Variants in ATP10B observed in about 807,000 individuals in gnomAD.
ATP10B encodes the protein phospholipid-transporting ATPase VB.
ATP10B carries 122 observed loss-of-function variants against 141.2 expected under a neutral mutation model. The observed-to-expected ratio is 0.86, with a 90% CI of 0.75 to 1.00. ATP10B has a LOEUF of 1.00. ATP10B is among the 50% of genes least tolerant of loss of function. The pLI, the probability that ATP10B is intolerant of heterozygous loss-of-function variation, is 0.00. For synonymous variants in ATP10B, 685 were observed against 692.0 expected, an observed-to-expected ratio of 0.99 and a Z score of 0.16; for missense variants, 1,876 against 1,825.3, an observed-to-expected ratio of 1.03 and a Z score of -0.51.
At chr5:160,762,910 G>A (rs113141782) in intron 2 of ATP10B, among the ~76,000 whole-genome samples, 47,764 of 149,502 alleles carry the variant, frequency 0.32, 7,858 homozygotes, top group Non-Finnish European at 0.36. Context: ...AGTAGGAATA[G>A]CTATTCTTAT....
At chr5:160,877,243 T>C in the ATP10B span, among the ~76,000 whole-genome samples, 1 of 150,778 alleles carries the variant, frequency 6.6e-6, no homozygotes, top group African/African-American at 2.4e-5. Flanking sequence ...CACAAATCAA[T>C]AAATGTAATC....
intron 7 of ATP10B, among the ~76,000 whole-genome samples, chr5:160,653,102 A>G (rs1206912918): frequency 1.6e-5 from 2 of 127,898 alleles, no homozygotes; most frequent in Non-Finnish European, 3.2e-5. Context: ...ATACACGTGT[A>G]TATATAACAT....
the ATP10B span, among the ~76,000 whole-genome samples, chr5:160,869,420 A>G: frequency 6.6e-6 from 1 of 152,070 alleles, no homozygotes; most frequent in African/African-American, 2.4e-5. Flanking sequence ...ATTTCTAGGA[A>G]ACAATACCAG....
chr5:160,721,035 A>ATGTG (rs929244909), intron 2 of ATP10B, among the ~76,000 whole-genome samples: 55 of 151,570 alleles, frequency 3.6e-4, no homozygotes, highest in African/African-American at 1.2e-3. Flanking sequence ...GTATGTGCAT[A>ATGTG]TGTGTGTGTG....
chr5:160,897,588 C>A, the ATP10B span, among the ~76,000 whole-genome samples: 1 of 152,170 alleles, frequency 6.6e-6, no homozygotes, highest in African/African-American at 2.4e-5. Context: ...TAGGAAGAAT[C>A]AATATCATGC....
At chr5:160,721,279 T>C (rs1214618987) in intron 2 of ATP10B, among the ~76,000 whole-genome samples, 1 of 152,154 alleles carries the variant, frequency 6.6e-6, no homozygotes, top group Admixed American at 6.5e-5. Flanking sequence ...ACAATATTGA[T>C]TTTTATCAAA....
chr5:160,707,546 C>T (rs529635806), intron 3 of ATP10B, among the ~76,000 whole-genome samples: 7 of 152,196 alleles, frequency 4.6e-5, no homozygotes, highest in Non-Finnish European at 1.0e-4. Flanking sequence ...ATATCACATA[C>T]TTTTTTTAAA....
At chr5:160,797,948 G>GAAAAAAAAAAAAAAAAAAA (rs34913318) in intron 1 of ATP10B, among the ~76,000 whole-genome samples, 2 of 127,548 alleles carry the variant, frequency 1.6e-5, no homozygotes, top group Non-Finnish European at 3.4e-5. Context: ...AAGAAAAAAA[G>GAAAAAAAAAAAAAAAAAAA]AAAAAAAAAA....
chr5:160,855,590 G>A (rs912657294), upstream of ATP10B, among the ~76,000 whole-genome samples: 4 of 151,360 alleles, frequency 2.6e-5, no homozygotes, highest in South Asian at 8.3e-4. Context: ...CCTTCACAGG[G>A]TATTACACAG....
the ATP10B span, among the ~76,000 whole-genome samples, chr5:160,896,570 A>G: frequency 6.6e-6 from 1 of 152,210 alleles, no homozygotes; most frequent in East Asian, 1.9e-4. Flanking sequence ...TTAATCAAAA[A>G]AAGCCCAGGA....
At chr5:160,888,644 G>A in the ATP10B span, among the ~76,000 whole-genome samples, 85 of 152,176 alleles carry the variant, frequency 5.6e-4, 1 homozygote, top group African/African-American at 1.9e-3. Flanking sequence ...CATGTAGACT[G>A]CGAAGCAATT....
chr5:160,644,155 C>G lies in ATP10B; in HGVS notation c.851G>C (p.Gly284Ala). The G allele has an allele frequency of 1.2e-6, 2 of 1,613,798 alleles. No homozygotes were observed. The highest frequency in any genetic ancestry group is 1.7e-6 in the Non-Finnish European group (2 of 1,179,808). ...ACAATGACCTGCATAGATGACAATG[C>G]CAACAGCCATCTCGGTGTTTCTGAT... The part of the protein sequence containing the change: ...CTIRNTEMAV[G>A]IVIYAGHETK... Residue 284 changes from glycine (G) to alanine (A), a missense_variant, in exon 9 of 26, where the codon GGC (glycine) becomes GCC (alanine). Physicochemically the swap from Gly to Ala is moderately conservative, Grantham distance 60 (BLOSUM62 0). Coordinates refer to ENST00000327245, the MANE Select transcript of ATP10B (RefSeq NM_025153.3).
intron 25 of ATP10B, 77 bp downstream of exon 25, chr5:160,569,419 A>G: frequency 2.1e-6 from 3 of 1,448,478 alleles, no homozygotes; most frequent in Non-Finnish European, 2.9e-6. Flanking sequence ...CAAACTCCTG[A>G]CTCTTGGGTT....
intron 15 of ATP10B, 127 bp downstream of exon 15, chr5:160,620,220 G>T: frequency 8.2e-7 from 1 of 1,223,296 alleles, no homozygotes; most frequent in Non-Finnish European, 1.1e-6. Context: ...CATCTTGTAG[G>T]TCTGTATTCC....
the ATP10B span, among the ~76,000 whole-genome samples, chr5:160,873,928 C>G: frequency 6.6e-6 from 1 of 152,248 alleles, no homozygotes; most frequent in Admixed American, 6.5e-5. Context: ...AGTCTGAGAT[C>G]AAACTGCAAG....
At chr5:160,765,924 T>C (rs901285225) in intron 2 of ATP10B, among the ~76,000 whole-genome samples, 1 of 151,838 alleles carries the variant, frequency 6.6e-6, no homozygotes, top group African/African-American at 2.4e-5. Flanking sequence ...CAAGAGAAGA[T>C]ATACAAATGG....
In ATP10B at chr5:160,612,897, C is replaced by T. The variant is rs1211737899; in HGVS notation, c.2682G>A (p.Gln894=). Residue 894 remains glutamine (Q), a synonymous_variant, in exon 18 of 26, where the codon CAG becomes CAA. Coordinates refer to ENST00000327245, the MANE Select transcript of ATP10B (RefSeq NM_025153.3). ...LGATGIEDRL[Q]EGVPDTIATL... ...TGGCAATCGTATCTGGAACTCCTTC[C>T]TGCAGCCGGTCTTCGATCCCAGTGG... 6.2e-7 allele frequency: 1 copy of T among 1,613,678 alleles called. No homozygotes were observed. Among genetic ancestry groups the T allele is most frequent in the Middle Eastern group, 1.7e-4 (1 of 5,998 alleles).
chr5:160,674,067 G>T (rs1762888135), intron 6 of ATP10B, among the ~76,000 whole-genome samples: 1 of 151,954 alleles, frequency 6.6e-6, no homozygotes, highest in Admixed American at 6.6e-5. Flanking sequence ...GGGGATGTGG[G>T]GTATCAGTTG....
the ATP10B span, among the ~76,000 whole-genome samples, chr5:160,882,454 A>AT: frequency 1.4e-4 from 22 of 151,902 alleles, no homozygotes; most frequent in East Asian, 3.9e-4. Flanking sequence ...TAAAAATTTT[A>AT]TTTTTTTTGT....
Sources: gnomAD v4.1 joint callset for allele counts (sites outside exome capture counted in the v4.1 genomes callset) on GRCh38, gnomAD v4.1.1 for gene constraint, MANE v1.5 for transcripts, NCBI Gene and HGNC (gene_info 2026-07-23, HGNC 2026-07-21) for gene names.